KPNB1: variants seen among roughly 807,000 people sequenced by gnomAD.
The protein encoded by KPNB1 is karyopherin subunit beta 1, also known as importin subunit beta-1.
Under a neutral mutation model 113.0 loss-of-function variants are expected in KPNB1, and 7 were observed. The observed-to-expected ratio is 0.06, with a 90% CI of 0.04 to 0.12. The LOEUF is 0.12. Ranked by LOEUF, KPNB1 falls within the 10% of genes least tolerant of loss-of-function variation. The pLI is 1.00. For synonymous variants in KPNB1, 363 were observed against 378.6 expected (o/e 0.96, Z 0.48); for missense variants, 400 against 1,054.8 (o/e 0.38, Z 8.60).
At chr17:47,660,873 C>T (rs964538582) in intron 5 of KPNB1, among the ~76,000 whole-genome samples, 1 of 152,156 alleles carries the variant, frequency 6.6e-6, no homozygotes, top group African/African-American at 2.4e-5. Context: ...TGTTAGTGGT[C>T]ATTTTGGAGA....
intron 3 of KPNB1, among the ~76,000 whole-genome samples, chr17:47,654,920 A>G (rs960946348): frequency 6.6e-6 from 1 of 152,130 alleles, no homozygotes; most frequent in Non-Finnish European, 1.5e-5. Context: ...GTTTTTGTCC[A>G]TTCTAGCTCT....
intron 3 of KPNB1, among the ~76,000 whole-genome samples, chr17:47,654,074 C>T (rs1915653096): frequency 6.6e-6 from 1 of 152,048 alleles, no homozygotes. Context: ...TTGTAATTGG[C>T]TTATTTTTTG....
rs746454717 is a variant in KPNB1, at chr17:47,669,705, A to G, written c.1252A>G (p.Lys418Glu). 78 of 1,608,118 alleles carry G rather than the reference A, an allele frequency of 4.9e-5. No individual in the cohort carries two copies. The highest frequency in any genetic ancestry group is 6.3e-5 in the Non-Finnish European group (74 of 1,174,994). ...TATGCCCACCCTAATAGAATTAATG[A>G]AAGACCCCAGTGTAGTTGTTCGAGA... ...QAMPTLIELMKDPSVVVRDTA... is the reference protein window; with the variant it reads ...QAMPTLIELMEDPSVVVRDTA... The change falls in exon 11 of 22, where the codon AAA becomes GAA. Residue 418 changes from lysine to glutamate, a missense_variant. Lys to Glu is a moderately conservative substitution (Grantham distance 56). This residue lies in a region of KPNB1 where 285 missense variants were observed against 627.0 expected (regional missense o/e 0.45). Transcript: ENST00000290158.
chr17:47,666,491 A>G (rs963227017), intron 9 of KPNB1, among the ~76,000 whole-genome samples: 1 of 144,154 alleles, frequency 6.9e-6, no homozygotes, highest in Non-Finnish European at 1.5e-5. Flanking sequence ...TATATTATAT[A>G]TTTTATATAA....
chr17:47,652,097 G>A (rs62074046), intron 2 of KPNB1, among the ~76,000 whole-genome samples: 12,523 of 151,934 alleles, frequency 0.082, 702 homozygotes, highest in Middle Eastern at 0.15. Context: ...CAAATAAAAC[G>A]GAGGATGAGG....
intron 8 of KPNB1, among the ~76,000 whole-genome samples, 162 bp from the exon 9 acceptor site, chr17:47,664,893 AAG>A (rs1489826881): frequency 2.6e-5 from 4 of 152,180 alleles, no homozygotes; most frequent in African/African-American, 9.7e-5. Flanking sequence ...ATTCTCACTG[AAG>A]TAGACCAAAA....
chr17:47,660,570 G>T (rs1407522328), intron 5 of KPNB1, among the ~76,000 whole-genome samples: 2 of 152,204 alleles, frequency 1.3e-5, no homozygotes, highest in East Asian at 3.8e-4. Context: ...CTTTGGAAAG[G>T]TCTGAAACCC....
intron 5 of KPNB1, among the ~76,000 whole-genome samples, chr17:47,659,218 G>A (rs182879229): frequency 3.3e-3 from 502 of 152,008 alleles, no homozygotes; most frequent in South Asian, 0.015. Context: ...GTGTGGTGGC[G>A]TGCGCCTGTA....
In KPNB1 at chr17:47,656,700, A is replaced by G. The variant is rs559541013; in HGVS notation, c.283-160A>G. Among the ~76,000 whole-genome samples the G allele has an allele frequency of 9.2e-5, 14 of 152,224 alleles. No individual in the cohort carries two copies. The South Asian group carries it at 1.9e-3, about 20-fold the overall frequency. ...GAGATTGAGGCTACAGTGAGCTGTG[A>G]TCGTGCCACTGCACTCCAGTCCGGG... On this transcript the variant is annotated intron_variant, in intron 3 of 21. Coordinates refer to ENST00000290158, the MANE Select transcript of KPNB1 (RefSeq NM_002265.6).
At chr17:47,664,421 C>A (rs2030202821) in intron 8 of KPNB1, 152 bp downstream of exon 8, 6 of 580,788 alleles carry the variant, frequency 1.0e-5, no homozygotes, top group Non-Finnish European at 1.8e-5. Context: ...CAGAGCCCTT[C>A]ATGAAGGAGG....
intron 5 of KPNB1, 69 bp downstream of exon 5, chr17:47,658,729 G>A: frequency 7.1e-7 from 1 of 1,417,918 alleles, no homozygotes; most frequent in Non-Finnish European, 9.6e-7. Flanking sequence ...AAAGTTTTTT[G>A]TTTTGTTTTC....
chr17:47,683,429 T>C lies in KPNB1; in HGVS notation c.*1025T>C, dbSNP rs1171108690. 2 of 152,312 alleles carry C rather than the reference T, an allele frequency of 1.3e-5. No homozygotes were observed. Among genetic ancestry groups the C allele is most frequent in the African/African-American group, 4.8e-5 (2 of 41,362 alleles). The allele number at this position is 152,312 out of a possible 1,614,324, so 9.4% of individuals were successfully genotyped here. Reference sequence around the variant, plus strand: ...CAAACCAAAATTTAAATGATCAGAATTGGCAGCACAAAGAAAACGCCCTCT... The same window carrying C: ...CAAACCAAAATTTAAATGATCAGAACTGGCAGCACAAAGAAAACGCCCTCT... On this transcript the variant is annotated 3_prime_UTR_variant, in exon 22 of 22. Transcript: ENST00000290158.
chr17:47,683,265 A>AAT lies in KPNB1; in HGVS notation c.*864_*865dup, dbSNP rs1256054499. 1.4e-5 allele frequency: 2 copies of AAT among 140,860 alleles called. No individual in the cohort carries two copies. The highest frequency in any genetic ancestry group is 3.1e-5 in the Non-Finnish European group (2 of 64,982). The allele number at this position is 140,860 out of a possible 1,614,324, so 8.7% of individuals were successfully genotyped here. ...TTTTCATCAAGGCGCCTTTCCTAAT[A>AAT]ATATGGTTCAACTGTGAATGTAGAA... On this transcript the variant is annotated 3_prime_UTR_variant, in exon 22 of 22. Coordinates refer to ENST00000290158, the MANE Select transcript of KPNB1 (RefSeq NM_002265.6).
chr17:47,664,254 C>T lies in KPNB1; in HGVS notation c.882C>T (p.Ala294=). The T allele has an allele frequency of 6.2e-7, 1 of 1,609,680 alleles. No individual in the cohort carries two copies. The highest frequency in any genetic ancestry group is 8.5e-7 in the Non-Finnish European group (1 of 1,176,140). ...TCTGTGATGAGGAAATGGATTTGGC[C>T]ATTGAAGCTTCAGAGGTGAGCTGGG... ...SNVCDEEMDL[A]IEASEAAEQG... Residue 294 remains alanine, a synonymous_variant, in exon 8 of 22, where the codon GCC becomes GCT. Coordinates refer to ENST00000290158, the MANE Select transcript of KPNB1 (RefSeq NM_002265.6).
intron 5 of KPNB1, among the ~76,000 whole-genome samples, 163 bp downstream of exon 5, chr17:47,658,823 C>T (rs8078457): frequency 0.027 from 4,090 of 152,224 alleles, 178 homozygotes; most frequent in African/African-American, 0.09. Flanking sequence ...GAGATATCCC[C>T]ATGGAGTGTT....
chr17:47,667,336 AG>A (rs1326493341), intron 9 of KPNB1, among the ~76,000 whole-genome samples: 1 of 151,862 alleles, frequency 6.6e-6, no homozygotes, highest in Non-Finnish European at 1.5e-5. Context: ...CATGTTTACC[AG>A]GCTGGTCTCG....
intron 2 of KPNB1, 136 bp downstream of exon 2, chr17:47,650,580 C>CTCCCCCTCCCCCA: frequency 1.3e-6 from 1 of 761,024 alleles, no homozygotes; most frequent in East Asian, 2.7e-5. Flanking sequence ...CCCCTCCCCC[C>CTCCCCCTCCCCCA]CCAACCCGGT....
intron 3 of KPNB1, among the ~76,000 whole-genome samples, chr17:47,654,535 T>C (rs945975023): frequency 6.6e-6 from 1 of 152,038 alleles, no homozygotes; most frequent in African/African-American, 2.4e-5. Flanking sequence ...CGATAACTAA[T>C]ACTAAGTTTC....
At chr17:47,652,920 G>T (rs1358412730) in intron 3 of KPNB1, 44 bp downstream of exon 3, 1 of 1,436,894 alleles carries the variant, frequency 7.0e-7, no homozygotes, top group East Asian at 2.4e-5. Context: ...CAGAGAACAA[G>T]AAATCGCTTT....
Sources: allele counts gnomAD v4.1 joint callset (sites outside exome capture counted in the v4.1 genomes callset), GRCh38; gene constraint gnomAD v4.1.1; regional missense constraint gnomAD v4.1.1; transcripts MANE v1.5; gene names NCBI Gene and HGNC (gene_info 2026-07-23, HGNC 2026-07-21).